The following UPF2 variants were observed in gnomAD, a reference collection of about 807,000 sequenced individuals.
The protein encoded by UPF2 is regulator of nonsense transcripts 2.
UPF2 carries 17 observed loss-of-function variants against 141.4 expected under a neutral mutation model. The observed-to-expected ratio is 0.12, with a 90% confidence interval of 0.08 to 0.18. The LOEUF (loss-of-function observed/expected upper bound fraction) is 0.18. Ranked by LOEUF, UPF2 falls within the 10% of genes least tolerant of loss-of-function variation. The pLI is 1.00. For missense variants in UPF2, 1,152 were observed against 1,515.9 expected (o/e 0.76, Z 3.99); for synonymous variants, 540 against 498.0 (o/e 1.08, Z -1.12).
chr10:12,018,076 A>G (rs1834255276), intron 3 of UPF2, among the ~76,000 whole-genome samples: 1 of 152,220 alleles, frequency 6.6e-6, no homozygotes, highest in Non-Finnish European at 1.5e-5. Context: ...TACTGAACTG[A>G]CTAAATCCAC....
At chr10:11,932,547 A>C (rs1048239692) in intron 19 of UPF2, among the ~76,000 whole-genome samples, 1 of 152,202 alleles carries the variant, frequency 6.6e-6, no homozygotes, top group Non-Finnish European at 1.5e-5. Context: ...AAAGTTCTCA[A>C]GTATTATGTA....
chr10:11,954,643 A>AAAAAAAAT (rs1439199969), intron 14 of UPF2, among the ~76,000 whole-genome samples: 16 of 128,352 alleles, frequency 1.2e-4, no homozygotes, highest in African/African-American at 4.0e-4. Flanking sequence ...CAAAAAAAAA[A>AAAAAAAAT]ATATATATAT....
At chr10:12,020,175 T>G (rs1332899125) in intron 3 of UPF2, among the ~76,000 whole-genome samples, 4 of 152,088 alleles carry the variant, frequency 2.6e-5, no homozygotes, top group African/African-American at 9.7e-5. Context: ...TTCCATTTTT[T>G]CATTTTTATT....
intron 9 of UPF2, among the ~76,000 whole-genome samples, chr10:11,972,987 T>G (rs1384646650): frequency 1.3e-5 from 2 of 152,238 alleles, no homozygotes; most frequent in Non-Finnish European, 2.9e-5. Flanking sequence ...TGAACTACTT[T>G]ACAGTCCCAC....
chr10:12,020,549 A>T (rs1267391748), intron 3 of UPF2, among the ~76,000 whole-genome samples: 3 of 152,236 alleles, frequency 2.0e-5, no homozygotes, highest in African/African-American at 7.2e-5. Flanking sequence ...AATTTATAAA[A>T]TCATAAAAAG....
rs528306881 is a variant in UPF2 at position 12,026,631 on chromosome 10, G to A, written c.1145+2114C>T. ...ATATAGTAAGAATACCATGACCACT[G>A]AAAATTCCTATAAACTTTTTTTTTT... On this transcript the variant is annotated intron_variant, in intron 3 of 21. Transcript: ENST00000357604. 178 of 447,528 alleles carry A rather than the reference G, an allele frequency of 4.0e-4. 3 individuals carry two copies. Among genetic ancestry groups the A allele is most frequent in the South Asian group, 2.7e-3 (174 of 63,328 alleles). 27.7% of individuals were successfully genotyped at this position (447,528 alleles called of 1,614,324 possible). A position where few individuals can be genotyped will look rare whatever the true frequency, so the allele number is the denominator to read the frequency against.
At chr10:11,958,805 A>AG (rs1047331589) in intron 12 of UPF2, among the ~76,000 whole-genome samples, 1 of 152,216 alleles carries the variant, frequency 6.6e-6, no homozygotes, top group African/African-American at 2.4e-5. Context: ...GAAATTTCAG[A>AG]GGGATCATGG....
intron 8 of UPF2, among the ~76,000 whole-genome samples, chr10:11,985,171 C>G (rs1193218548): frequency 6.6e-6 from 1 of 152,174 alleles, no homozygotes; most frequent in African/African-American, 2.4e-5. Flanking sequence ...GTTAGATACT[C>G]CATTTTCTCG....
At chr10:12,039,552 G>A (rs1424105996) in intron 1 of UPF2, among the ~76,000 whole-genome samples, 1 of 151,666 alleles carries the variant, frequency 6.6e-6, no homozygotes, top group African/African-American at 2.4e-5. Context: ...GCATCAACAA[G>A]TAACATTTCA....
intron 9 of UPF2, among the ~76,000 whole-genome samples, chr10:11,968,667 T>G (rs1362444562): frequency 6.6e-6 from 1 of 152,198 alleles, no homozygotes; most frequent in Non-Finnish European, 1.5e-5. Flanking sequence ...GTCCTCTAAT[T>G]AGGCACAAAT....
chr10:12,024,946 A>C lies in UPF2; in HGVS notation c.1145+3799T>G, dbSNP rs1049092032. 2.0e-5 allele frequency among the ~76,000 whole-genome samples: 3 copies of C among 150,372 alleles called. No homozygotes were observed. In the East Asian group the frequency reaches 5.8e-4, roughly 29 times the overall value. ...GACCCTGTTACAAAAAAAAAAAAAA[A>C]AAAAAAAAAAACACAGCTACTGGAT... is the stretch of plus-strand genomic sequence containing the variant. On this transcript the variant is annotated intron_variant, in intron 3 of 21. Coordinates refer to ENST00000357604, the MANE Select transcript of UPF2 (RefSeq NM_015542.4).
At chr10:12,020,915 G>C (rs1834306794) in intron 3 of UPF2, among the ~76,000 whole-genome samples, 3 of 152,162 alleles carry the variant, frequency 2.0e-5, no homozygotes, top group Admixed American at 2.0e-4. Flanking sequence ...AAGTTAAAAT[G>C]TCTCTCAAAC....
chr10:11,928,794 C>T (rs1176560030), intron 21 of UPF2: 2 of 250,034 alleles, frequency 8.0e-6, no homozygotes, highest in Non-Finnish European at 1.6e-5. Flanking sequence ...TTTAAATTAT[C>T]TCACATTAAA....
chr10:12,026,309 A>G (rs1157050214), intron 3 of UPF2, among the ~76,000 whole-genome samples: 1 of 152,224 alleles, frequency 6.6e-6, no homozygotes, highest in Non-Finnish European at 1.5e-5. Flanking sequence ...AACAAAAACC[A>G]AAAGAACAAC....
At chr10:11,964,876 G>C (rs1194136808) in intron 10 of UPF2, among the ~76,000 whole-genome samples, 1 of 152,088 alleles carries the variant, frequency 6.6e-6, no homozygotes, top group Admixed American at 6.6e-5. Flanking sequence ...TATATAATGA[G>C]ACAGCCTGAG....
chr10:11,996,590 T>C (rs995039229), intron 8 of UPF2, among the ~76,000 whole-genome samples: 1 of 152,168 alleles, frequency 6.6e-6, no homozygotes, highest in Admixed American at 6.5e-5. Flanking sequence ...GTGATCCACC[T>C]GCCTCAGCCT....
chr10:12,039,024 T>C (rs1834686863), intron 1 of UPF2, among the ~76,000 whole-genome samples: 1 of 152,108 alleles, frequency 6.6e-6, no homozygotes, highest in Non-Finnish European at 1.5e-5. Flanking sequence ...CAATTAAATA[T>C]CCAACTTTAA....
rs900711646 is a variant in UPF2 at position 11,920,079 on chromosome 10, G to T, written c.*1219C>A. 3 of 152,212 alleles carry T rather than the reference G, an allele frequency of 2.0e-5. No homozygotes were observed. Among genetic ancestry groups the T allele is most frequent in the African/African-American group, 4.8e-5 (2 of 41,468 alleles). The allele number at this position is 152,212 out of a possible 1,614,324, so 9.4% of individuals were successfully genotyped here. ...AGGTCAGATTTCTGAAGCTGGTGAAGATTGGGCAGCATTTCCATGTGAAAT... is the reference window on the plus strand; with the variant it reads ...AGGTCAGATTTCTGAAGCTGGTGAATATTGGGCAGCATTTCCATGTGAAAT... On this transcript the variant is annotated 3_prime_UTR_variant, in exon 22 of 22. Transcript: ENST00000357604.
chr10:12,008,660 C>A (rs1291920049), intron 4 of UPF2, among the ~76,000 whole-genome samples: 7 of 145,548 alleles, frequency 4.8e-5, no homozygotes, highest in Non-Finnish European at 7.5e-5. Context: ...AAGAAACATT[C>A]ATTCTCATAC....
Sources: allele counts gnomAD v4.1 joint callset (sites outside exome capture counted in the v4.1 genomes callset), GRCh38; gene constraint gnomAD v4.1.1; transcripts MANE v1.5; gene names NCBI Gene and HGNC (gene_info 2026-07-23, HGNC 2026-07-21).